Variants in SLC7A14 observed in about 807,000 individuals in gnomAD.
The protein encoded by SLC7A14 is solute carrier family 7 member 14.
Under a neutral mutation model 60.2 loss-of-function variants are expected in SLC7A14, and 37 were observed. That is an observed-to-expected ratio of 0.61 (90% confidence interval 0.47 to 0.81). SLC7A14 has a LOEUF of 0.81. Ranked by LOEUF, SLC7A14 falls within the 30% of genes least tolerant of loss-of-function variation. The probability of loss-of-function intolerance (pLI) is 0.00; values close to 1 mark genes in which losing one functional copy is unlikely to be tolerated. For missense variants in SLC7A14, 886 were observed against 982.7 expected (o/e 0.90, Z 1.32); for synonymous variants, 399 against 395.8 (o/e 1.01, Z -0.10).
intron 1 of SLC7A14, among the ~76,000 whole-genome samples, chr3:170,540,828 A>G (rs1372947400): frequency 6.6e-6 from 1 of 152,210 alleles, no homozygotes; most frequent in Admixed American, 6.5e-5. Flanking sequence ...TTGCTTCTAA[A>G]CTGTTGAGTT....
At chr3:170,482,050 G>T (rs536275820) in intron 6 of SLC7A14, among the ~76,000 whole-genome samples, 1 of 152,268 alleles carries the variant, frequency 6.6e-6, no homozygotes, top group East Asian at 1.9e-4. Context: ...TATAACAAAA[G>T]TTCATGGGTT....
At chr3:170,544,030 G>A (rs1395188879) in intron 1 of SLC7A14, among the ~76,000 whole-genome samples, 3 of 152,058 alleles carry the variant, frequency 2.0e-5, no homozygotes, top group African/African-American at 4.8e-5. Flanking sequence ...TTACAGGCAT[G>A]AGCCACCACA....
chr3:170,521,924 A>C (rs1425264793), intron 2 of SLC7A14, among the ~76,000 whole-genome samples: 1 of 152,186 alleles, frequency 6.6e-6, no homozygotes, highest in Non-Finnish European at 1.5e-5. Flanking sequence ...CCATCTCAAA[A>C]AAAAAAGAAA....
At chr3:170,567,619 C>T (rs1335732219) in intron 1 of SLC7A14, among the ~76,000 whole-genome samples, 1 of 149,590 alleles carries the variant, frequency 6.7e-6, no homozygotes, top group Non-Finnish European at 1.5e-5. Context: ...GTTTACAGTC[C>T]CACCAACAGT....
At position 170,480,518 on chromosome 3, in the gene SLC7A14, G is replaced by C; in HGVS notation, c.1764C>G (p.Asp588Glu). ...CCCACCAGCTCTGCTCTGAGATGTA[G>C]TCAGAACCAAAGATGATGAAGGAGC... ...IFCSFIIFGS[D>E]YISEQSWWAI... Residue 588 changes from aspartate (D) to glutamate (E), a missense_variant, in exon 7 of 8, where the codon GAC becomes GAG. Coordinates refer to ENST00000231706, the MANE Select transcript of SLC7A14 (RefSeq NM_020949.3). 1 of 1,614,222 alleles carries C rather than the reference G, an allele frequency of 6.2e-7. No homozygotes were observed. The highest frequency in any genetic ancestry group is 8.5e-7 in the Non-Finnish European group (1 of 1,180,048).
chr3:170,520,747 T>A (rs1713317359), intron 2 of SLC7A14, among the ~76,000 whole-genome samples: 1 of 152,184 alleles, frequency 6.6e-6, no homozygotes, highest in South Asian at 2.1e-4. Context: ...CTATATTCTG[T>A]TTGAGGAACA....
At chr3:170,527,143 G>A (rs1577538311) in intron 1 of SLC7A14, 55 bp from the exon 2 acceptor site, 1 of 598,524 alleles carries the variant, frequency 1.7e-6, no homozygotes, top group Non-Finnish European at 2.9e-6. Flanking sequence ...AACAAACCTT[G>A]ACTTGCGGGG....
rs10555697 is a variant in SLC7A14 at position 170,499,296 on chromosome 3, C to CTGTG, written c.542-416_542-413dup. On this transcript the variant is annotated intron_variant, in intron 3 of 7. Coordinates refer to ENST00000231706, the MANE Select transcript of SLC7A14 (RefSeq NM_020949.3). ...GGGCAGTAAGTCTTTAAAAGGAACT[C>CTGTG]TGTGTGTGTGTGTGTGCACCTACAC... Among the ~76,000 whole-genome samples the CTGTG allele has an allele frequency of 7.4e-4, 103 of 139,574 alleles. 1 individual carries two copies. The South Asian group carries it at 9.8e-3, about 13-fold the overall frequency. 91.6% of individuals were successfully genotyped at this position (139,574 alleles called of 152,430 possible). A position where few individuals can be genotyped will look rare whatever the true frequency, so the allele number is the denominator to read the frequency against.
chr3:170,490,752 G>A (rs1712189892), intron 4 of SLC7A14, among the ~76,000 whole-genome samples: 1 of 152,156 alleles, frequency 6.6e-6, no homozygotes, highest in African/African-American at 2.4e-5. Flanking sequence ...TATTAGCTTG[G>A]TGACCTAGAA....
chr3:170,584,656 T>C (rs1264879837), intron 1 of SLC7A14, among the ~76,000 whole-genome samples: 1 of 152,192 alleles, frequency 6.6e-6, no homozygotes, highest in Non-Finnish European at 1.5e-5. Flanking sequence ...CAGTTTCTGC[T>C]CGCAGGGAAT....
At chr3:170,578,332 C>T (rs1011050674) in intron 1 of SLC7A14, among the ~76,000 whole-genome samples, 1 of 152,230 alleles carries the variant, frequency 6.6e-6, no homozygotes, top group African/African-American at 2.4e-5. Context: ...AATGTAGATT[C>T]CCACACACAG....
intron 7 of SLC7A14, among the ~76,000 whole-genome samples, chr3:170,470,882 A>G (rs558688507): frequency 8.5e-5 from 13 of 152,224 alleles, no homozygotes; most frequent in African/African-American, 2.9e-4. Flanking sequence ...TAGTTGGCTT[A>G]GAGAATGAAG....
chr3:170,483,425 T>A lies in SLC7A14; in HGVS notation c.1004A>T (p.Lys335Ile), dbSNP rs1310265881. Reference protein sequence around the residue: ...MFVAHGFYAAKFVVAIGSVAG... With the variant: ...MFVAHGFYAAIFVVAIGSVAG... ...AACCGACCCAATGGCCACTACGAAT[T>A]TGGCAGCATAGAACCCATGAGCCAC... The change falls in exon 6 of 8, where the codon AAA (lysine) becomes ATA (isoleucine). Residue 335 changes from lysine to isoleucine, a missense_variant. Transcript: ENST00000231706. 6.2e-7 allele frequency: 1 copy of A among 1,614,148 alleles called. No homozygotes were observed. Among genetic ancestry groups the A allele is most frequent in the South Asian group, 1.1e-5 (1 of 91,090 alleles).
intron 3 of SLC7A14, among the ~76,000 whole-genome samples, chr3:170,500,518 C>T (rs188172970): frequency 1.3e-4 from 19 of 150,460 alleles, no homozygotes; most frequent in Non-Finnish European, 2.1e-4. Context: ...ATTTGTTACA[C>T]GAGCTTCTGA....
At chr3:170,564,467 G>T (rs974921218) in intron 1 of SLC7A14, among the ~76,000 whole-genome samples, 3 of 152,210 alleles carry the variant, frequency 2.0e-5, no homozygotes, top group African/African-American at 7.2e-5. Context: ...GGGTCATGCT[G>T]CTAGTTAGAG....
intron 2 of SLC7A14, among the ~76,000 whole-genome samples, chr3:170,518,416 C>G (rs1713238356): frequency 6.6e-6 from 1 of 152,268 alleles, no homozygotes; most frequent in South Asian, 2.1e-4. Flanking sequence ...CTCCTTGTCC[C>G]TCATCTACTC....
chr3:170,559,154 C>G (rs937023534), intron 1 of SLC7A14, among the ~76,000 whole-genome samples: 2 of 152,184 alleles, frequency 1.3e-5, no homozygotes, highest in African/African-American at 4.8e-5. Flanking sequence ...TGATAGACGA[C>G]AAGTTAAACA....
intron 1 of SLC7A14, among the ~76,000 whole-genome samples, chr3:170,533,448 A>C (rs1331230834): frequency 6.6e-6 from 1 of 152,206 alleles, no homozygotes; most frequent in Non-Finnish European, 1.5e-5. Context: ...TTTTGATAGC[A>C]ACTAACATAT....
At position 170,465,492 on chromosome 3, in the gene SLC7A14, G is replaced by T. The variant is rs917322839; in HGVS notation, c.*1563C>A. The T allele has an allele frequency of 1.3e-5, 2 of 152,218 alleles. No homozygotes were observed. The highest frequency in any genetic ancestry group is 2.9e-5 in the Non-Finnish European group (2 of 68,042). The allele number at this position is 152,218 out of a possible 1,614,324, so 9.4% of individuals were successfully genotyped here. On this transcript the variant is annotated 3_prime_UTR_variant, in exon 8 of 8. Coordinates refer to ENST00000231706, the MANE Select transcript of SLC7A14 (RefSeq NM_020949.3). ...TTTACCTCCTTGCCATAATCCTAAA[G>T]CATGCCAAGATGGCATGAGCCTCAG...
Sources: allele counts gnomAD v4.1 joint callset (sites outside exome capture counted in the v4.1 genomes callset), GRCh38; gene constraint gnomAD v4.1.1; transcripts MANE v1.5; gene names NCBI Gene and HGNC (gene_info 2026-07-23, HGNC 2026-07-21).